The following ANK2 variants were observed in gnomAD, a reference collection of about 807,000 sequenced individuals.
ANK2 encodes ankyrin-2.
In ANK2, 83 loss-of-function variants were observed where a neutral mutation model predicts 360.5. The ratio of observed to expected loss-of-function variants is 0.23; its 90% CI spans 0.19 to 0.28. ANK2 has a LOEUF of 0.28. Among genes scored for constraint, ANK2 ranks in the 10% least tolerant of loss-of-function variants. The probability of loss-of-function intolerance (pLI) is 1.00; values close to 1 mark genes in which losing one functional copy is unlikely to be tolerated. For missense variants in ANK2, 4,201 were observed against 4,795.7 expected, an observed-to-expected ratio of 0.88 and a Z score of 3.66; for synonymous variants, 1,740 against 1,759.5, an observed-to-expected ratio of 0.99 and a Z score of 0.28.
At chr4:113,360,963 A>G (rs900361262) in intron 39 of ANK2, 66 bp downstream of exon 39, 23 of 1,400,298 alleles carry the variant, frequency 1.6e-5, no homozygotes, top group Non-Finnish European at 2.0e-5. Flanking sequence ...GGTGTCATTC[A>G]CAGCATAAAA....
intron 4 of ANK2, chr4:113,216,908 A>C (rs1349191830): frequency 1.3e-5 from 2 of 151,984 alleles, no homozygotes; most frequent in African/African-American, 4.8e-5. Flanking sequence ...TTTTTAAAGG[A>C]AAGGCTTGCT....
At chr4:112,868,254 A>G (rs1487774555) in intron 1 of ANK2, among the ~76,000 whole-genome samples, 1 of 152,218 alleles carries the variant, frequency 6.6e-6, no homozygotes, top group Non-Finnish European at 1.5e-5. Flanking sequence ...ACAGACTACC[A>G]CACACTGGGT....
At chr4:113,182,896 GA>G (rs2098445421) in intron 2 of ANK2, among the ~76,000 whole-genome samples, 2 of 152,168 alleles carry the variant, frequency 1.3e-5, no homozygotes. Context: ...TTTGTAATAG[GA>G]AAGAAATAAT....
At chr4:113,029,399 T>C (rs2059934126) in intron 2 of ANK2, among the ~76,000 whole-genome samples, 1 of 152,070 alleles carries the variant, frequency 6.6e-6, no homozygotes, top group African/African-American at 2.4e-5. Context: ...TTCACCCAGC[T>C]AATTTTTATT....
chr4:113,200,752 A>G (rs1319916947), intron 4 of ANK2, among the ~76,000 whole-genome samples: 1 of 152,134 alleles, frequency 6.6e-6, no homozygotes, highest in Non-Finnish European at 1.5e-5. Context: ...GGTTGATTCC[A>G]TGACTTTGCT....
the ANK2 span, among the ~76,000 whole-genome samples, chr4:112,762,058 AT>A: frequency 6.6e-6 from 1 of 152,236 alleles, no homozygotes; most frequent in Non-Finnish European, 1.5e-5. Context: ...TTTGCTGGGC[AT>A]GGGGAACAGA....
At chr4:112,799,548 G>T in the ANK2 span, among the ~76,000 whole-genome samples, 1 of 149,912 alleles carries the variant, frequency 6.7e-6, no homozygotes, top group East Asian at 1.9e-4. Context: ...ATGAAGTCTC[G>T]CTGTGTCACC....
chr4:113,256,224 A>G (rs1245819163), intron 11 of ANK2, among the ~76,000 whole-genome samples: 2 of 152,246 alleles, frequency 1.3e-5, no homozygotes, highest in African/African-American at 4.8e-5. Context: ...TAAATGGAAA[A>G]TAGAAGTTGA....
chr4:113,208,939 G>A (rs1484655494), intron 4 of ANK2, among the ~76,000 whole-genome samples: 1 of 151,944 alleles, frequency 6.6e-6, no homozygotes, highest in Non-Finnish European at 1.5e-5. Context: ...GGACTCGAAT[G>A]AGACTGCCGG....
chr4:112,846,044 AT>A (rs760966164), intron 1 of ANK2, among the ~76,000 whole-genome samples: 1 of 152,052 alleles, frequency 6.6e-6, no homozygotes, highest in Non-Finnish European at 1.5e-5. Context: ...GTTTTTCTCC[AT>A]TTCTTCTTAC....
At chr4:112,903,832 G>A (rs1039763761) in intron 1 of ANK2, among the ~76,000 whole-genome samples, 3 of 152,174 alleles carry the variant, frequency 2.0e-5, no homozygotes, top group African/African-American at 7.2e-5. Flanking sequence ...GTCAGGTCAC[G>A]TAAACTTTAT....
At chr4:113,258,449 A>AGAGC (rs1271944514) in intron 13 of ANK2, 38 bp downstream of exon 13, 1 of 1,568,458 alleles carries the variant, frequency 6.4e-7, no homozygotes, top group East Asian at 2.2e-5. Context: ...CCAGGGAGGA[A>AGAGC]GAGCGAGAGG....
chr4:112,728,740 A>AAAAT, the ANK2 span, among the ~76,000 whole-genome samples: 2 of 152,166 alleles, frequency 1.3e-5, no homozygotes, highest in African/African-American at 2.4e-5. Flanking sequence ...GTGTCTCCAA[A>AAAAT]AAATAAATAA....
chr4:112,786,597 G>A, the ANK2 span, among the ~76,000 whole-genome samples: 14 of 151,468 alleles, frequency 9.2e-5, no homozygotes, highest in Non-Finnish European at 2.9e-5. Flanking sequence ...GAGTTTCACC[G>A]TGTTGGCCAG....
intron 2 of ANK2, among the ~76,000 whole-genome samples, chr4:113,025,755 G>A (rs1347632272): frequency 6.6e-6 from 1 of 152,140 alleles, no homozygotes; most frequent in Non-Finnish European, 1.5e-5. Flanking sequence ...GGGTGGAGGG[G>A]AAGGGGGTCT....
chr4:112,739,121 C>A, the ANK2 span: 7 of 445,166 alleles, frequency 1.6e-5, no homozygotes, highest in Admixed American at 2.1e-4. Context: ...CTCATATGCA[C>A]GTTTTGTGTT....
chr4:113,083,371 G>A (rs932677308), intron 1 of ANK2, among the ~76,000 whole-genome samples: 2 of 152,062 alleles, frequency 1.3e-5, no homozygotes, highest in Admixed American at 6.6e-5. Context: ...TTGTAGAGAT[G>A]GAGGGTCTTG....
At chr4:112,917,847 A>G (rs1468916187) in intron 2 of ANK2, among the ~76,000 whole-genome samples, 1 of 152,212 alleles carries the variant, frequency 6.6e-6, no homozygotes. Flanking sequence ...CAATAAAACT[A>G]TGTGGGAACA....
chr4:113,153,110 T>C (rs1294160617), intron 1 of ANK2, among the ~76,000 whole-genome samples: 2 of 152,134 alleles, frequency 1.3e-5, no homozygotes, highest in Non-Finnish European at 2.9e-5. Flanking sequence ...CTGTACTCTT[T>C]ACCTTCCTCA....
Sources: allele counts gnomAD v4.1 joint callset (sites outside exome capture counted in the v4.1 genomes callset), GRCh38; gene constraint gnomAD v4.1.1; transcripts MANE v1.5; gene names NCBI Gene and HGNC (gene_info 2026-07-23, HGNC 2026-07-21).